Variants in NBR1 observed in about 807,000 individuals in gnomAD.
NBR1 encodes NBR1 autophagy cargo receptor, also known as next to BRCA1 gene 1 protein.
A neutral mutation model predicts 115.5 loss-of-function variants in NBR1; 59 were observed. The ratio of observed to expected loss-of-function variants is 0.51; its 90% confidence interval spans 0.41 to 0.63. NBR1 has a LOEUF of 0.63. NBR1 is among the 30% of genes least tolerant of loss of function. NBR1 has a pLI of 0.00. For missense variants in NBR1, 1,043 were observed against 1,150.5 expected (o/e 0.91, Z 1.35); for synonymous variants, 373 against 414.7 (o/e 0.90, Z 1.22).
At chr17:43,180,447 A>G (rs930679528) in intron 4 of NBR1, among the ~76,000 whole-genome samples, 4 of 152,228 alleles carry the variant, frequency 2.6e-5, no homozygotes, top group African/African-American at 7.2e-5. Context: ...GATCACCATC[A>G]TACACATGGT....
At chr17:43,202,191 A>AAC (rs1555612565) in intron 18 of NBR1, among the ~76,000 whole-genome samples, 6 of 150,344 alleles carry the variant, frequency 4.0e-5, no homozygotes, top group East Asian at 2.0e-4. Context: ...AAAAAAAAAA[A>AAC]AAAAAACTTG....
rs1483459267 is a variant in NBR1 at position 43,176,992 on chromosome 17, C to T, written c.103-944C>T. 9.9e-5 allele frequency among the ~76,000 whole-genome samples: 15 copies of T among 152,168 alleles called. 2 individuals carry two copies. The highest frequency in any genetic ancestry group is 3.1e-4 in the African/African-American group (13 of 41,526). On this transcript the variant is annotated intron_variant, in intron 2 of 20. Transcript: ENST00000590996. ...GATCATACTATAAACATTATTTGGC[C>T]AGGCACAGTGGCACACGCCTAGAAT... is the stretch of plus-strand genomic sequence containing the variant.
chr17:43,170,919 AGTCTCG>A (rs1025601044), upstream of NBR1: 8 of 152,226 alleles, frequency 5.3e-5, no homozygotes, highest in African/African-American at 1.9e-4. Flanking sequence ...CAGCCCCACG[AGTCTCG>A]GGCAAGTAGT....
intron 6 of NBR1, among the ~76,000 whole-genome samples, chr17:43,187,502 C>CTTTTT (rs71160025): frequency 4.8e-4 from 33 of 68,866 alleles, no homozygotes; most frequent in South Asian, 5.9e-4. Flanking sequence ...TATTTCCTGA[C>CTTTTT]TTTTTTTTTT....
At chr17:43,177,892 T>A (rs752757623) in intron 2 of NBR1, 44 bp from the exon 3 acceptor site, 7 of 1,391,090 alleles carry the variant, frequency 5.0e-6, no homozygotes, top group Non-Finnish European at 6.7e-6. Context: ...CTTTGACTTC[T>A]GTGTACATTA....
intron 4 of NBR1, among the ~76,000 whole-genome samples, chr17:43,180,076 C>CT (rs2056624942): frequency 6.6e-6 from 1 of 152,126 alleles, no homozygotes; most frequent in Non-Finnish European, 1.5e-5. Context: ...GCTAAGAATT[C>CT]TTTAAAGTCA....
chr17:43,189,783 G>C lies in NBR1; in HGVS notation c.676G>C (p.Gly226Arg), dbSNP rs182608816. ...ACNNCQRRIV[G>R]VRYQCSLCPS... ...CAACAACTGCCAAAGAAGGATTGTT[G>C]GTGTCCGCTACCAGTGTAGGTAAGC... Residue 226 changes from glycine to arginine, a missense_variant, in exon 8 of 21, where the codon GGT (glycine) becomes CGT (arginine). Coordinates refer to ENST00000590996, the MANE Select transcript of NBR1 (RefSeq NM_005899.5). 2.5e-4 allele frequency: 402 copies of C among 1,613,774 alleles called. No individual in the cohort carries two copies. The highest frequency in any genetic ancestry group is 3.5e-4 in the Admixed American group (21 of 60,018).
chr17:43,172,467 T>A (rs1191453954), intron 1 of NBR1, among the ~76,000 whole-genome samples: 2 of 152,224 alleles, frequency 1.3e-5, no homozygotes, highest in Non-Finnish European at 2.9e-5. Context: ...TTTCTTGAAG[T>A]TGGAAAGTGA....
At chr17:43,180,842 T>G in intron 5 of NBR1, 25 bp downstream of exon 5, 1 of 1,394,628 alleles carries the variant, frequency 7.2e-7, no homozygotes, top group South Asian at 1.5e-5. Flanking sequence ...ATCTCATTTT[T>G]AAATAATTTA....
chr17:43,198,829 C>T (rs1262472568), intron 16 of NBR1, among the ~76,000 whole-genome samples: 2 of 150,964 alleles, frequency 1.3e-5, no homozygotes, highest in Non-Finnish European at 3.0e-5. Context: ...GGTGTGGTGG[C>T]GGGCGCACCT....
chr17:43,194,313 A>G, intron 12 of NBR1, 37 bp from the exon 13 acceptor site: 1 of 1,574,760 alleles, frequency 6.4e-7, no homozygotes, highest in African/African-American at 1.4e-5. Context: ...AGTTCTGTTG[A>G]AGGCCTAAAA....
intron 15 of NBR1, 37 bp downstream of exon 15, chr17:43,196,628 C>T: frequency 1.4e-6 from 2 of 1,407,744 alleles, no homozygotes; most frequent in East Asian, 2.4e-5. Context: ...TTTGCATCCT[C>T]CCTTTCCATA....
chr17:43,175,684 C>A, intron 1 of NBR1, 107 bp from the exon 2 acceptor site: 1 of 583,914 alleles, frequency 1.7e-6, no homozygotes, highest in Admixed American at 3.3e-5. Context: ...CCAAGCCCAG[C>A]CCATATTGGG....
In NBR1 at chr17:43,191,481, C is replaced by A. The variant is rs1280147033; in HGVS notation, c.973C>A (p.Leu325Ile). ...CAAGGAACTTAAAAAGCAGCTTAAACTCCATAGGAAAATTCACCTGTGGAA... is the reference window on the plus strand; with the variant it reads ...CAAGGAACTTAAAAAGCAGCTTAAAATCCATAGGAAAATTCACCTGTGGAA... Reference protein sequence around the residue: ...EVKELKKQLKLHRKIHLWNSI... With the variant: ...EVKELKKQLKIHRKIHLWNSI... Residue 325 changes from leucine (L) to isoleucine (I), a missense_variant, in exon 10 of 21, where the codon CTC becomes ATC. By Grantham distance (5) the Leu-to-Ile change is conservative (BLOSUM62 2). Coordinates refer to ENST00000590996, the MANE Select transcript of NBR1 (RefSeq NM_005899.5). 6.2e-7 allele frequency: 1 copy of A among 1,613,006 alleles called. No individual in the cohort carries two copies. The highest frequency in any genetic ancestry group is 8.5e-7 in the Non-Finnish European group (1 of 1,179,456).
At chr17:43,185,947 G>A (rs899598788) in intron 5 of NBR1, among the ~76,000 whole-genome samples, 1 of 151,920 alleles carries the variant, frequency 6.6e-6, no homozygotes, top group African/African-American at 2.4e-5. Context: ...GTTGCAGTGA[G>A]CCAAGACCGT....
chr17:43,186,876 T>A (rs1333086759), intron 6 of NBR1, among the ~76,000 whole-genome samples: 1 of 152,244 alleles, frequency 6.6e-6, no homozygotes, highest in African/African-American at 2.4e-5. Flanking sequence ...TGCGTATTAT[T>A]CCATGGTGTA....
At chr17:43,198,094 G>C (rs766220717) in intron 16 of NBR1, among the ~76,000 whole-genome samples, 6 of 151,844 alleles carry the variant, frequency 4.0e-5, no homozygotes, top group Non-Finnish European at 5.9e-5. Context: ...CTTTAACCCG[G>C]GAGGCGAAGG....
chr17:43,194,454 T>C lies in NBR1; in HGVS notation c.1629T>C (p.Ser543=). The C allele has an allele frequency of 6.2e-7, 1 of 1,613,886 alleles. No homozygotes were observed. Among genetic ancestry groups the C allele is most frequent in the Non-Finnish European group, 8.5e-7 (1 of 1,179,846 alleles). ...CIPQKAKNVA[S]ERELYIPSVD... ...CACAGAAGGCAAAAAATGTTGCCAG[T>C]GAGAGGGAGCTCTACATCCCATCTG... is the stretch of plus-strand genomic sequence containing the variant. Residue 543 remains serine, a synonymous_variant, in exon 13 of 21, where the codon AGT becomes AGC. Transcript: ENST00000590996.
At chr17:43,197,738 T>C (rs2057102690) in intron 16 of NBR1, among the ~76,000 whole-genome samples, 1 of 152,180 alleles carries the variant, frequency 6.6e-6, no homozygotes, top group Non-Finnish European at 1.5e-5. Context: ...CAGAGCTCCT[T>C]AGCAGAGACC....
Sources: allele counts gnomAD v4.1 joint callset (sites outside exome capture counted in the v4.1 genomes callset), GRCh38; gene constraint gnomAD v4.1.1; transcripts MANE v1.5; gene names NCBI Gene and HGNC (gene_info 2026-07-23, HGNC 2026-07-21).